The following PCBP3 variants were observed in gnomAD, a reference collection of about 807,000 sequenced individuals.
The protein encoded by PCBP3 is poly(rC) binding protein 3.
Under a neutral mutation model 52.7 loss-of-function variants are expected in PCBP3, and 25 were observed. The ratio of observed to expected loss-of-function variants is 0.47; its 90% CI spans 0.35 to 0.66. The LOEUF is 0.66. Ranked by LOEUF, PCBP3 falls within the 30% of genes least tolerant of loss-of-function variation. The pLI is 0.01. For synonymous variants in PCBP3, 162 were observed against 183.0 expected, an observed-to-expected ratio of 0.89 and a Z score of 0.93; for missense variants, 391 against 490.3, an observed-to-expected ratio of 0.80 and a Z score of 1.91.
At chr21:45,652,524 T>C (rs1158832469) in intron 1 of PCBP3, among the ~76,000 whole-genome samples, 2 of 149,850 alleles carry the variant, frequency 1.3e-5, no homozygotes, top group African/African-American at 4.9e-5. Flanking sequence ...CACTGCAACC[T>C]CCTCTTTCCG....
At chr21:45,790,345 A>G (rs1288879380) in intron 4 of PCBP3, among the ~76,000 whole-genome samples, 1 of 152,102 alleles carries the variant, frequency 6.6e-6, no homozygotes, top group Non-Finnish European at 1.5e-5. Context: ...GCGGGGCTCT[A>G]GGCCCGATTA....
intron 2 of PCBP3, among the ~76,000 whole-genome samples, chr21:45,719,027 C>T (rs1005433218): frequency 2.6e-5 from 4 of 152,036 alleles, no homozygotes; most frequent in African/African-American, 7.2e-5. Context: ...CTAAGCAGGG[C>T]CAAGCAGCAA....
At chr21:45,816,389 T>C (rs2092955467) in intron 4 of PCBP3, among the ~76,000 whole-genome samples, 1 of 143,340 alleles carries the variant, frequency 7.0e-6, no homozygotes, top group East Asian at 2.0e-4. Context: ...CGCCAAAATA[T>C]TTTCTTTGTT....
intron 4 of PCBP3, among the ~76,000 whole-genome samples, chr21:45,768,869 G>T (rs896785108): frequency 6.6e-6 from 1 of 152,170 alleles, no homozygotes; most frequent in Non-Finnish European, 1.5e-5. Context: ...TCGTCCCCTC[G>T]TCTCCACGAC....
intron 1 of PCBP3, among the ~76,000 whole-genome samples, chr21:45,665,206 G>T (rs952854534): frequency 1.3e-5 from 2 of 151,744 alleles, no homozygotes; most frequent in African/African-American, 4.8e-5. Flanking sequence ...GTTCAAGACT[G>T]CCCTGGGTAA....
At position 45,822,238 on chromosome 21, in the gene PCBP3, C is replaced by T. The variant is rs115580423; in HGVS notation, c.-125-27723C>T. Reference sequence around the variant, plus strand: ...CCGGCACCGTCATCCTGGGAGCCATCGGGGTCCTCAGCCCCCACTGCAGCC... The same window carrying T: ...CCGGCACCGTCATCCTGGGAGCCATTGGGGTCCTCAGCCCCCACTGCAGCC... On this transcript the variant is annotated intron_variant, in intron 4 of 17. Transcript: ENST00000681687. Among the ~76,000 whole-genome samples the T allele has an allele frequency of 4.7e-3, 721 of 152,296 alleles. 7 individuals are homozygous for T. The highest frequency in any genetic ancestry group is 0.016 in the African/African-American group (684 of 41,558).
intron 2 of PCBP3, among the ~76,000 whole-genome samples, chr21:45,703,157 C>A (rs1384733503): frequency 6.6e-6 from 1 of 152,230 alleles, no homozygotes; most frequent in Non-Finnish European, 1.5e-5. Flanking sequence ...CCCTTAAAGG[C>A]ATCCGTGAGG....
At position 45,931,780 on chromosome 21, in the gene PCBP3, T is replaced by C. The variant is rs61708771; in HGVS notation, c.856+935T>C. The stretch of plus-strand genomic sequence containing the variant: ...ATCAGCCATGCTGTCCTGAAATGAA[T>C]GAACACATCGGCCATGCTGTCCTGA... On this transcript the variant is annotated intron_variant, in intron 15 of 17. Coordinates refer to ENST00000681687, the MANE Select transcript of PCBP3 (RefSeq NM_001384156.1). Among the ~76,000 whole-genome samples, 705 of 150,726 alleles carry C rather than the reference T, an allele frequency of 4.7e-3. 5 individuals are homozygous for C. The highest frequency in any genetic ancestry group is 0.016 in the African/African-American group (668 of 40,750).
At chr21:45,658,739 A>C (rs1273412219) in intron 1 of PCBP3, among the ~76,000 whole-genome samples, 1 of 152,166 alleles carries the variant, frequency 6.6e-6, no homozygotes, top group Non-Finnish European at 1.5e-5. Context: ...TCTCCTTGTG[A>C]AGGATTGGTG....
At chr21:45,669,803 GTGTATATATATATATATATATATATATA>G (rs199925700) in intron 2 of PCBP3, among the ~76,000 whole-genome samples, 1,358 of 54,464 alleles carry the variant, frequency 0.025, 160 homozygotes, top group Admixed American at 0.082. Flanking sequence ...GTGTGTGTGT[GTGTATATATATATATATATATATATATA>G]TATATATATA....
chr21:45,922,695 G>A (rs370939236), intron 13 of PCBP3, among the ~76,000 whole-genome samples: 11 of 152,340 alleles, frequency 7.2e-5, no homozygotes, highest in African/African-American at 1.9e-4. Context: ...TAGAGTTGAC[G>A]AAGAGTTTGC....
chr21:45,862,116 G>A (rs142933863), intron 5 of PCBP3, among the ~76,000 whole-genome samples: 22 of 149,792 alleles, frequency 1.5e-4, no homozygotes, highest in African/African-American at 3.7e-4. Flanking sequence ...TTCTGAGAGC[G>A]GAGTCTCATG....
chr21:45,812,520 C>T (rs998532912), intron 4 of PCBP3, among the ~76,000 whole-genome samples: 1 of 152,192 alleles, frequency 6.6e-6, no homozygotes, highest in Non-Finnish European at 1.5e-5. Context: ...ATTCTCCTGC[C>T]TCAGCCTCCC....
chr21:45,732,485 T>A (rs1191039894), intron 2 of PCBP3, among the ~76,000 whole-genome samples: 1 of 148,562 alleles, frequency 6.7e-6, no homozygotes, highest in Non-Finnish European at 1.5e-5. Flanking sequence ...ATGTTTCTTT[T>A]TTACTGGCTG....
In PCBP3 at chr21:45,810,385, G is replaced by T. The variant is rs371363657; in HGVS notation, c.-125-39576G>T. ...CTCCCGAGTAGCTGGGAGTACAGGT[G>T]TACAGGGAGTACAGGGAGTACAGTA... On this transcript the variant is annotated intron_variant, in intron 4 of 17. Transcript: ENST00000681687. Among the ~76,000 whole-genome samples the T allele has an allele frequency of 3.0e-4, 45 of 151,554 alleles. No individual in the cohort carries two copies. The East Asian group carries it at 7.2e-3, about 24-fold the overall frequency.
intron 9 of PCBP3, among the ~76,000 whole-genome samples, chr21:45,908,297 C>T (rs2096256460): frequency 6.6e-6 from 1 of 152,132 alleles, no homozygotes; most frequent in Non-Finnish European, 1.5e-5. Context: ...AGTGTCCGTG[C>T]CTGTGCCTCA....
rs1426246814 is a variant in PCBP3 at position 45,923,850 on chromosome 21, G to A, written c.718-6067G>A. Among the ~76,000 whole-genome samples, 42 of 133,946 alleles carry A rather than the reference G, an allele frequency of 3.1e-4. 2 individuals carry two copies. The highest frequency in any genetic ancestry group is 4.5e-4 in the African/African-American group (16 of 35,364). The allele number at this position is 133,946 out of a possible 152,430, so 87.9% of individuals were successfully genotyped here. Reference sequence around the variant, plus strand: ...AGATGCGAACACCGGGAACAGTCGAGTGGGTAGAAACAGCACACGTAAGAT... The same window carrying A: ...AGATGCGAACACCGGGAACAGTCGAATGGGTAGAAACAGCACACGTAAGAT... On this transcript the variant is annotated intron_variant, in intron 13 of 17. Coordinates refer to ENST00000681687, the MANE Select transcript of PCBP3 (RefSeq NM_001384156.1).
At chr21:45,756,893 T>A (rs2088103841) in intron 4 of PCBP3, among the ~76,000 whole-genome samples, 1 of 152,254 alleles carries the variant, frequency 6.6e-6, no homozygotes. Context: ...ATTTTGTTTA[T>A]CCATTATAGT....
chr21:45,928,287 C>T lies in PCBP3; in HGVS notation c.718-1630C>T, dbSNP rs945037006. Among the ~76,000 whole-genome samples the T allele has an allele frequency of 6.6e-6, 1 of 152,216 alleles. No homozygotes were observed. The highest frequency in any genetic ancestry group is 1.5e-5 in the Non-Finnish European group (1 of 68,042). On this transcript the variant is annotated intron_variant, in intron 13 of 17. Transcript: ENST00000681687. This position sits in a 1 kb window ranked among gnomAD's most constrained non-coding sequence, Gnocchi z 4.1. The stretch of plus-strand genomic sequence containing the variant: ...ACATCCCCTCAGATAACCCGGCACA[C>T]CCGTTCACGTTACATCATGGGGCAG...
Sources: gnomAD v4.1 joint callset for allele counts (sites outside exome capture counted in the v4.1 genomes callset) on GRCh38, gnomAD v4.1.1 for gene constraint, Gnocchi (gnomAD v3.1) non-coding constraint, MANE v1.5 for transcripts, NCBI Gene and HGNC (gene_info 2026-07-23, HGNC 2026-07-21) for gene names.